Variants in DCAF8L2 observed in about 807,000 individuals in gnomAD.
DCAF8L2 encodes the protein DDB1 and CUL4 associated factor 8 like 2, also known as DDB1- and CUL4-associated factor 8-like protein 2.
For synonymous variants in DCAF8L2, 200 were observed against 190.9 expected, an observed-to-expected ratio of 1.05 and a Z score of -0.39; for missense variants, 430 against 490.7, an observed-to-expected ratio of 0.88 and a Z score of 1.17.
chrX:27,649,604 T>G (rs949669733), intron 2 of DCAF8L2, among the ~76,000 whole-genome samples: 1 of 111,977 alleles, frequency 8.9e-6, no homozygotes, highest in Non-Finnish European at 1.9e-5. Context: ...CACATGTATG[T>G]TTTCTTTTGA....
the DCAF8L2 span, among the ~76,000 whole-genome samples, chrX:27,481,247 A>G: frequency 0.27 from 29,850 of 109,232 alleles, 4,569 homozygotes; most frequent in African/African-American, 0.58. Context: ...GTGTGGTGGC[A>G]GACGCCTGTA....
In DCAF8L2 at chrX:27,614,915, C is replaced by T. The variant is rs1197467795; in HGVS notation, c.-341-16964C>T. 2.7e-5 allele frequency among the ~76,000 whole-genome samples: 3 copies of T among 110,901 alleles called. No individual in the cohort carries two copies. In the East Asian group the frequency reaches 8.5e-4, roughly 31 times the overall value. ...GAATAAGTTCAGATTCTATAGGAAA[C>T]GTTCCATACCCCGAGACACTGCTTT... On this transcript the variant is annotated intron_variant, in intron 1 of 4. Transcript: ENST00000451261.
At chrX:27,704,259 T>TATATATAC (rs1193801818) in intron 3 of DCAF8L2, among the ~76,000 whole-genome samples, 13 of 58,950 alleles carry the variant, frequency 2.2e-4, no homozygotes, top group African/African-American at 1.1e-3. Flanking sequence ...CGTATGTACG[T>TATATATAC]ATATATACGT....
At chrX:27,602,823 CTT>C (rs1419419145) in intron 1 of DCAF8L2, among the ~76,000 whole-genome samples, 2 of 110,547 alleles carry the variant, frequency 1.8e-5, no homozygotes, top group Non-Finnish European at 1.9e-5. Flanking sequence ...AATTTGAACT[CTT>C]CACTAAAAAA....
intron 1 of DCAF8L2, among the ~76,000 whole-genome samples, chrX:27,625,634 A>T (rs1927971296): frequency 8.9e-6 from 1 of 112,302 alleles, no homozygotes; most frequent in Admixed American, 9.4e-5. Context: ...AGTAGACTGG[A>T]TAAAGAAAAT....
At chrX:27,528,425 C>G in the DCAF8L2 span, among the ~76,000 whole-genome samples, 1 of 98,021 alleles carries the variant, frequency 1.0e-5, no homozygotes, top group African/African-American at 3.7e-5. Flanking sequence ...TTCTGTTTTA[C>G]ATATATATGT....
intron 4 of DCAF8L2, among the ~76,000 whole-genome samples, chrX:27,742,604 A>G (rs1921921354): frequency 9.1e-6 from 1 of 110,346 alleles, no homozygotes; most frequent in African/African-American, 3.3e-5. Context: ...AACAAAAAAA[A>G]AAAACCAAGA....
At chrX:27,715,059 G>T (rs5971443) in intron 3 of DCAF8L2, among the ~76,000 whole-genome samples, 11,912 of 110,613 alleles carry the variant, frequency 0.11, 1,111 homozygotes, top group African/African-American at 0.31. Flanking sequence ...ACAATAATTT[G>T]TAGGGAAAAT....
chrX:27,510,219 TCTTAA>T, the DCAF8L2 span, among the ~76,000 whole-genome samples: 10 of 110,608 alleles, frequency 9.0e-5, no homozygotes, highest in Non-Finnish European at 1.7e-4. Context: ...TTTTTTTCTC[TCTTAA>T]CTTAAAACTA....
intron 2 of DCAF8L2, among the ~76,000 whole-genome samples, chrX:27,668,076 A>G (rs1219667453): frequency 8.9e-6 from 1 of 112,057 alleles, no homozygotes; most frequent in Non-Finnish European, 1.9e-5. Context: ...GCTTCTTCCC[A>G]AGCAAGGAAA....
At chrX:27,602,815 T>G (rs1926711201) in intron 1 of DCAF8L2, among the ~76,000 whole-genome samples, 1 of 111,677 alleles carries the variant, frequency 9.0e-6, no homozygotes, top group African/African-American at 3.2e-5. Context: ...GTGCAAATAA[T>G]TTGAACTCTT....
intron 1 of DCAF8L2, among the ~76,000 whole-genome samples, chrX:27,612,914 A>G (rs1927261035): frequency 9.0e-6 from 1 of 111,356 alleles, no homozygotes; most frequent in Non-Finnish European, 1.9e-5. Context: ...TTTGCTGAGG[A>G]TTGTCTTGGC....
the DCAF8L2 span, among the ~76,000 whole-genome samples, chrX:27,478,112 C>G: frequency 9.0e-6 from 1 of 111,626 alleles, no homozygotes; most frequent in Non-Finnish European, 1.9e-5. Context: ...CAGTTTCTCT[C>G]CCAGCTTTAT....
At chrX:27,532,932 C>T in the DCAF8L2 span, among the ~76,000 whole-genome samples, 28 of 102,927 alleles carry the variant, frequency 2.7e-4, 1 homozygote, top group Non-Finnish European at 2.0e-5. Flanking sequence ...AAAAAATTAG[C>T]TGGGCGTGGT....
the DCAF8L2 span, among the ~76,000 whole-genome samples, chrX:27,575,924 G>T: frequency 9.0e-6 from 1 of 111,670 alleles, no homozygotes; most frequent in Admixed American, 9.5e-5. Flanking sequence ...TCAATACACT[G>T]GATTGTACCT....
At chrX:27,600,029 A>G (rs1292956008) in intron 1 of DCAF8L2, among the ~76,000 whole-genome samples, 1 of 112,154 alleles carries the variant, frequency 8.9e-6, no homozygotes, top group Non-Finnish European at 1.9e-5. Context: ...ATGAATGATT[A>G]TTCTAAATGA....
At chrX:27,720,484 C>T (rs894850881) in intron 4 of DCAF8L2, among the ~76,000 whole-genome samples, 1 of 110,907 alleles carries the variant, frequency 9.0e-6, no homozygotes, top group Non-Finnish European at 1.9e-5. Context: ...CGCCTTTCTC[C>T]TGCCTCAGCC....
chrX:27,528,051 T>TAAATTAAATTTTTAATTTAATTA, the DCAF8L2 span, among the ~76,000 whole-genome samples: 4 of 42,426 alleles, frequency 9.4e-5, no homozygotes, highest in Non-Finnish European at 2.1e-4. Context: ...TTTAATTAAT[T>TAAATTAAATTTTTAATTTAATTA]ATTAAATTAA....
At chrX:27,640,264 C>T (rs1279420518) in intron 2 of DCAF8L2, among the ~76,000 whole-genome samples, 1 of 111,951 alleles carries the variant, frequency 8.9e-6, no homozygotes, top group Non-Finnish European at 1.9e-5. Flanking sequence ...ATTACCTCTC[C>T]CATCCCCAGC....
Sources: gnomAD v4.1 joint callset for allele counts (sites outside exome capture counted in the v4.1 genomes callset) on GRCh38, gnomAD v4.1.1 for gene constraint, MANE v1.5 for transcripts, NCBI Gene and HGNC (gene_info 2026-07-23, HGNC 2026-07-21) for gene names.